The following CSMD3 variants were observed in gnomAD, a reference collection of about 807,000 sequenced individuals.
The protein encoded by CSMD3 is CUB and Sushi multiple domains 3, also known as CUB and sushi domain-containing protein 3.
CSMD3 carries 177 observed loss-of-function variants against 435.2 expected under a neutral mutation model. The ratio of observed to expected loss-of-function variants is 0.41; its 90% CI spans 0.36 to 0.46. The LOEUF (loss-of-function observed/expected upper bound fraction) is 0.46, where lower values mean the gene tolerates loss of function less well. Among genes scored for constraint, CSMD3 ranks in the 20% least tolerant of loss-of-function variants. The pLI, the probability that CSMD3 is intolerant of heterozygous loss-of-function variation, is 0.34. For synonymous variants in CSMD3, 1,656 were observed against 1,520.5 expected, an observed-to-expected ratio of 1.09 and a Z score of -2.07; for missense variants, 4,265 against 4,504.6, an observed-to-expected ratio of 0.95 and a Z score of 1.52.
chr8:113,059,824 G>T (rs1262925732), intron 5 of CSMD3, among the ~76,000 whole-genome samples: 1 of 152,050 alleles, frequency 6.6e-6, no homozygotes, highest in Non-Finnish European at 1.5e-5. Flanking sequence ...AAACAGCCCT[G>T]GGAATTTTCC....
At chr8:112,649,025 G>C (rs971711532) in intron 19 of CSMD3, among the ~76,000 whole-genome samples, 1 of 152,166 alleles carries the variant, frequency 6.6e-6, no homozygotes, top group African/African-American at 2.4e-5. Context: ...TGAAGATACA[G>C]GGCTATCAAC....
intron 1 of CSMD3, among the ~76,000 whole-genome samples, chr8:113,399,958 A>T (rs1443001600): frequency 1.3e-5 from 2 of 151,470 alleles, no homozygotes; most frequent in African/African-American, 4.8e-5. Context: ...GTATATATAT[A>T]TATATGTATA....
intron 10 of CSMD3, among the ~76,000 whole-genome samples, chr8:112,873,459 T>C (rs2081191718): frequency 1.3e-5 from 2 of 151,984 alleles, no homozygotes; most frequent in Admixed American, 6.6e-5. Flanking sequence ...TCTTAATCTT[T>C]TAGCTAAAAT....
chr8:113,029,883 A>T (rs1402797337), intron 5 of CSMD3, among the ~76,000 whole-genome samples: 1 of 151,018 alleles, frequency 6.6e-6, no homozygotes, highest in African/African-American at 2.4e-5. Flanking sequence ...AACCCTAAAG[A>T]CTCCTCCAGA....
intron 32 of CSMD3, among the ~76,000 whole-genome samples, chr8:112,423,410 A>G (rs1402775201): frequency 2.6e-5 from 4 of 152,164 alleles, no homozygotes; most frequent in Non-Finnish European, 5.9e-5. Flanking sequence ...ATTAGTTACT[A>G]TTTGGTATGT....
intron 5 of CSMD3, among the ~76,000 whole-genome samples, chr8:113,095,330 A>C (rs1407364718): frequency 1.3e-5 from 2 of 152,014 alleles, no homozygotes; most frequent in Non-Finnish European, 2.9e-5. Context: ...TTTCTTTTTA[A>C]CCTATTGTCC....
chr8:112,431,842 G>A (rs1163184163), intron 32 of CSMD3, among the ~76,000 whole-genome samples: 1 of 152,064 alleles, frequency 6.6e-6, no homozygotes, highest in Admixed American at 6.6e-5. Flanking sequence ...CCAAAAATGG[G>A]ATAGACAATA....
chr8:113,358,772 A>C (rs1229620500), intron 1 of CSMD3, among the ~76,000 whole-genome samples: 1 of 152,120 alleles, frequency 6.6e-6, no homozygotes, highest in Non-Finnish European at 1.5e-5. Context: ...CTAAAGAAGC[A>C]TCTCTGGGAT....
intron 2 of CSMD3, chr8:113,314,187 T>C (rs1426287151): frequency 6.1e-6 from 1 of 164,212 alleles, no homozygotes; most frequent in Non-Finnish European, 1.3e-5. Context: ...TGTTTTTGCA[T>C]AGTGTTGTAT....
chr8:113,423,203 A>T (rs2094617730), intron 1 of CSMD3, among the ~76,000 whole-genome samples: 1 of 152,104 alleles, frequency 6.6e-6, no homozygotes, highest in Non-Finnish European at 1.5e-5. Flanking sequence ...GACCTCAAAA[A>T]GTGTCACATT....
chr8:113,423,290 T>G (rs993242177), intron 1 of CSMD3, among the ~76,000 whole-genome samples: 3 of 152,076 alleles, frequency 2.0e-5, no homozygotes, highest in Admixed American at 6.6e-5. Flanking sequence ...GAAATCTAAC[T>G]AATTAACAAT....
chr8:113,417,977 T>C (rs901750063), intron 1 of CSMD3, among the ~76,000 whole-genome samples: 1 of 152,132 alleles, frequency 6.6e-6, no homozygotes, highest in Non-Finnish European at 1.5e-5. Flanking sequence ...AATAATGTTT[T>C]AAATGTGAGA....
At chr8:112,655,577 A>G (rs1421274951) in intron 18 of CSMD3, among the ~76,000 whole-genome samples, 1 of 152,040 alleles carries the variant, frequency 6.6e-6, no homozygotes, top group Non-Finnish European at 1.5e-5. Context: ...ATGAGATTTA[A>G]TAGGGGTTAT....
chr8:113,280,186 G>C (rs1260060453), intron 2 of CSMD3, among the ~76,000 whole-genome samples: 1 of 151,890 alleles, frequency 6.6e-6, no homozygotes, highest in African/African-American at 2.4e-5. Flanking sequence ...TTCATAGAAT[G>C]AATTAGGGAG....
chr8:112,618,165 A>G (rs1233570906), intron 22 of CSMD3, among the ~76,000 whole-genome samples: 1 of 152,134 alleles, frequency 6.6e-6, no homozygotes, highest in Non-Finnish European at 1.5e-5. Context: ...CATGGTATAC[A>G]GTAAGATTTA....
At position 112,859,197 on chromosome 8, in the gene CSMD3, T is replaced by C; in HGVS notation, c.1703A>G (p.Tyr568Cys). The part of the protein sequence containing the change: ...TFTSPNFPFQ[Y>C]DSNAQCVWVI... Reference sequence around the variant, plus strand: ...CCAGACACATTGTGCATTGCTGTCATACTGGAACGGAAAGTTGGGAGATGT... The same window carrying C: ...CCAGACACATTGTGCATTGCTGTCACACTGGAACGGAAAGTTGGGAGATGT... The change falls in exon 11 of 71, where the codon TAT becomes TGT. Residue 568 changes from tyrosine (Y) to cysteine (C), a missense_variant. This residue lies in a region of CSMD3 where 731 missense variants were observed against 755.4 expected (regional missense o/e 0.97). Transcript: ENST00000297405. 6.2e-7 allele frequency: 1 copy of C among 1,611,270 alleles called. No homozygotes were observed. Among genetic ancestry groups the C allele is most frequent in the Admixed American group, 1.7e-5 (1 of 59,916 alleles).
At chr8:113,206,191 G>A (rs1588273614) in intron 3 of CSMD3, among the ~76,000 whole-genome samples, 1 of 151,458 alleles carries the variant, frequency 6.6e-6, no homozygotes, top group African/African-American at 2.4e-5. Flanking sequence ...AATTGCACAT[G>A]TCCCCCTATA....
chr8:112,778,667 A>C (rs749556111), intron 13 of CSMD3, among the ~76,000 whole-genome samples: 9 of 151,982 alleles, frequency 5.9e-5, no homozygotes, highest in Non-Finnish European at 1.2e-4. Context: ...TTGTGTGGAC[A>C]TAAGTTTTGA....
At chr8:112,655,543 A>G (rs1338705423) in intron 18 of CSMD3, among the ~76,000 whole-genome samples, 1 of 152,034 alleles carries the variant, frequency 6.6e-6, no homozygotes, top group African/African-American at 2.4e-5. Context: ...AAATCAAAAT[A>G]TTTTAGACTT....
Sources: gnomAD v4.1 joint callset for allele counts (sites outside exome capture counted in the v4.1 genomes callset) on GRCh38, gnomAD v4.1.1 for gene constraint, gnomAD v4.1.1 regional missense constraint, MANE v1.5 for transcripts, NCBI Gene and HGNC (gene_info 2026-07-23, HGNC 2026-07-21) for gene names.